The following SIAH3 variants were observed in gnomAD, a reference collection of about 807,000 sequenced individuals.
The protein encoded by SIAH3 is siah E3 ubiquitin protein ligase family member 3.
Under a neutral mutation model 12.6 loss-of-function variants are expected in SIAH3, and 9 were observed. The ratio of observed to expected loss-of-function variants is 0.72; its 90% CI spans 0.43 to 1.25. The LOEUF (loss-of-function observed/expected upper bound fraction) is 1.25. Ranked by LOEUF, SIAH3 falls within the 50% of genes most tolerant of loss-of-function variation. The pLI, the probability that SIAH3 is intolerant of heterozygous loss-of-function variation, is 0.00. For synonymous variants in SIAH3, 154 were observed against 151.1 expected (o/e 1.02, Z -0.14); for missense variants, 390 against 365.4 (o/e 1.07, Z -0.55).
chr13:45,800,781 C>A (rs1048714731), intron 1 of SIAH3, among the ~76,000 whole-genome samples: 2 of 152,224 alleles, frequency 1.3e-5, no homozygotes, highest in Admixed American at 6.5e-5. Flanking sequence ...ACCCATGCTA[C>A]CTATTAGAGA....
intron 1 of SIAH3, among the ~76,000 whole-genome samples, chr13:45,817,643 TG>T (rs1950639245): frequency 1.3e-4 from 1 of 7,496 alleles, no homozygotes; most frequent in Non-Finnish European, 2.1e-4. Context: ...GAGAAAGATG[TG>T]AAGGATGCTG....
Position 45,781,267 on chromosome 13 carries a change from A to C in SIAH3, c.*2116T>G, listed in dbSNP as rs1950502579. The C allele has an allele frequency of 6.6e-6, 1 of 152,516 alleles. No homozygotes were observed. The highest frequency in any genetic ancestry group is 1.5e-5 in the Non-Finnish European group (1 of 68,038). The allele number at this position is 152,516 out of a possible 1,614,324, so 9.4% of individuals were successfully genotyped here. On this transcript the variant is annotated 3_prime_UTR_variant, in exon 2 of 2. Coordinates refer to ENST00000400405, the MANE Select transcript of SIAH3 (RefSeq NM_198849.3). ...AGGTTTTTGTTTGTTGATCTGGAGC[A>C]CCTGTGATGCTACACAAATGCTTTC...
intron 1 of SIAH3, among the ~76,000 whole-genome samples, chr13:45,843,034 C>CGTGTGTGTG (rs1555260000): frequency 3.6e-5 from 5 of 139,288 alleles, no homozygotes; most frequent in African/African-American, 1.3e-4. Flanking sequence ...CTCTCTCTCT[C>CGTGTGTGTG]TGTGTGTGTG....
chr13:45,788,176 C>T (rs1950534288), intron 1 of SIAH3, among the ~76,000 whole-genome samples: 1 of 152,204 alleles, frequency 6.6e-6, no homozygotes. Context: ...TCTTCTGATG[C>T]AAAATATATT....
chr13:45,833,479 G>A (rs1950706936), intron 1 of SIAH3, among the ~76,000 whole-genome samples: 1 of 145,056 alleles, frequency 6.9e-6, no homozygotes, highest in African/African-American at 2.6e-5. Flanking sequence ...ACACACACAT[G>A]CACACACACA....
intron 1 of SIAH3, among the ~76,000 whole-genome samples, chr13:45,850,864 G>A (rs1357619101): frequency 6.6e-6 from 1 of 150,848 alleles, no homozygotes; most frequent in Non-Finnish European, 1.5e-5. Flanking sequence ...TCCTGCTCCA[G>A]TACACAGAGC....
intron 1 of SIAH3, among the ~76,000 whole-genome samples, chr13:45,816,420 G>A (rs1566092673): frequency 2.6e-5 from 4 of 152,180 alleles, no homozygotes; most frequent in Non-Finnish European, 5.9e-5. Flanking sequence ...AAGACAGGGT[G>A]TTTATAGCCA....
intron 1 of SIAH3, among the ~76,000 whole-genome samples, chr13:45,795,950 A>C (rs1950561095): frequency 1.3e-5 from 2 of 152,184 alleles, no homozygotes; most frequent in Admixed American, 6.5e-5. Context: ...AACATGTTGA[A>C]TTTTTAAAAA....
Position 45,851,643 on chromosome 13 carries a change from G to T in SIAH3, c.-14C>A, listed in dbSNP as rs767142494. 36 of 1,613,998 alleles carry T rather than the reference G, an allele frequency of 2.2e-5. No individual in the cohort carries two copies. In the South Asian group the frequency reaches 3.8e-4, roughly 17 times the overall value. ...AAAGAAAAGCATCACAACTTTTGGGGGGTTGTTGGTCCGGGAAGGCAGCGG... is the reference window on the plus strand; with the variant it reads ...AAAGAAAAGCATCACAACTTTTGGGTGGTTGTTGGTCCGGGAAGGCAGCGG... On this transcript the variant is annotated 5_prime_UTR_variant, in exon 1 of 2. Transcript: ENST00000400405.
chr13:45,792,959 T>C (rs890979714), intron 1 of SIAH3, among the ~76,000 whole-genome samples: 7 of 151,264 alleles, frequency 4.6e-5, no homozygotes, highest in Non-Finnish European at 8.8e-5. Flanking sequence ...GACTTTCATA[T>C]CCGTAATTGG....
intron 1 of SIAH3, among the ~76,000 whole-genome samples, chr13:45,790,935 A>C (rs1950543954): frequency 6.6e-6 from 1 of 152,196 alleles, no homozygotes; most frequent in South Asian, 2.1e-4. Context: ...TACTCCTAGC[A>C]CTTTGGGAGG....
intron 1 of SIAH3, among the ~76,000 whole-genome samples, chr13:45,846,379 C>A (rs186215728): frequency 2.0e-4 from 30 of 152,128 alleles, no homozygotes; most frequent in Admixed American, 2.0e-3. Context: ...CGTGAGCCAC[C>A]GCACCTGACC....
intron 1 of SIAH3, among the ~76,000 whole-genome samples, chr13:45,840,409 C>T (rs1236137119): frequency 6.6e-6 from 1 of 152,200 alleles, no homozygotes; most frequent in East Asian, 1.9e-4. Context: ...AAAGGCAATT[C>T]AGGTAAATCA....
chr13:45,849,870 T>G (rs1014675865), intron 1 of SIAH3, among the ~76,000 whole-genome samples: 29 of 152,290 alleles, frequency 1.9e-4, no homozygotes, highest in African/African-American at 6.5e-4. Context: ...TAAACAAAAT[T>G]TCTTGCCCCA....
chr13:45,803,787 T>G (rs1419356978), intron 1 of SIAH3, among the ~76,000 whole-genome samples: 4 of 152,152 alleles, frequency 2.6e-5, no homozygotes, highest in African/African-American at 7.2e-5. Flanking sequence ...TTGAGTCCTG[T>G]TATCAAGACT....
At chr13:45,837,054 G>A (rs1950720261) in intron 1 of SIAH3, among the ~76,000 whole-genome samples, 1 of 152,186 alleles carries the variant, frequency 6.6e-6, no homozygotes, top group Non-Finnish European at 1.5e-5. Context: ...CTTCACATCT[G>A]TCTGGATTTG....
chr13:45,820,004 C>T (rs941313551), intron 1 of SIAH3, among the ~76,000 whole-genome samples: 8 of 152,194 alleles, frequency 5.3e-5, no homozygotes, highest in East Asian at 1.9e-4. Flanking sequence ...AGGAAAGGAA[C>T]GCCGTGTCCT....
At chr13:45,793,640 A>G (rs9534217) in intron 1 of SIAH3, among the ~76,000 whole-genome samples, 80,845 of 151,888 alleles carry the variant, frequency 0.53, 22,847 homozygotes, top group African/African-American at 0.67. Context: ...ATGAATAAAT[A>G]ACTCCTCCCC....
chr13:45,801,279 T>C (rs1257916744), intron 1 of SIAH3, among the ~76,000 whole-genome samples: 2 of 152,064 alleles, frequency 1.3e-5, no homozygotes, highest in Non-Finnish European at 2.9e-5. Flanking sequence ...ACACTTGAAA[T>C]GGGTCAGAAA....
Sources: allele counts gnomAD v4.1 joint callset (sites outside exome capture counted in the v4.1 genomes callset), GRCh38; gene constraint gnomAD v4.1.1; transcripts MANE v1.5; gene names NCBI Gene and HGNC (gene_info 2026-07-23, HGNC 2026-07-21).